Variants in F2R observed in about 807,000 individuals in gnomAD.
F2R encodes the protein proteinase-activated receptor 1.
In F2R, 12 loss-of-function variants were observed where a neutral mutation model predicts 18.3. The ratio of observed to expected loss-of-function variants is 0.66; its 90% CI spans 0.42 to 1.06. The LOEUF (loss-of-function observed/expected upper bound fraction) is 1.06, where lower values mean the gene tolerates loss of function less well. F2R is among the 50% of genes least tolerant of loss of function. F2R has a pLI of 0.00. For missense variants in F2R, 438 were observed against 530.8 expected (o/e 0.83, Z 1.72); for synonymous variants, 210 against 219.9 (o/e 0.95, Z 0.40).
At chr5:76,731,623 A>G (rs1457730699) in intron 1 of F2R, among the ~76,000 whole-genome samples, 1 of 151,530 alleles carries the variant, frequency 6.6e-6, no homozygotes, top group Non-Finnish European at 1.5e-5. Context: ...TCTGCTGCCC[A>G]GGTTCAAGCG....
At chr5:76,718,050 C>A (rs560533094) in intron 1 of F2R, among the ~76,000 whole-genome samples, 2 of 152,110 alleles carry the variant, frequency 1.3e-5, no homozygotes, top group Non-Finnish European at 2.9e-5. Flanking sequence ...GGAAAAGGAG[C>A]GCTTGCTAAG....
Position 76,716,410 on chromosome 5 carries a change from G to C in F2R, c.88+15G>C, listed in dbSNP as rs753374243. The C allele has an allele frequency of 7.7e-6, 11 of 1,429,140 alleles. No individual in the cohort carries two copies. In the African/African-American group the frequency reaches 1.6e-4, roughly 21 times the overall value. 88.5% of individuals were successfully genotyped at this position (1,429,140 alleles called of 1,614,324 possible). On this transcript the variant is annotated intron_variant, in intron 1 of 1. Coordinates refer to ENST00000319211, the MANE Select transcript of F2R (RefSeq NM_001992.5). ...CCGCAGGCCAGGTGAGAGATGCACG[G>C]GAATGGGGTGCGCGGGCGGAGGGAC...
In F2R at chr5:76,733,633, T is replaced by G. The variant is rs1748727139; in HGVS notation, c.*130T>G. On this transcript the variant is annotated 3_prime_UTR_variant, in exon 2 of 2. Transcript: ENST00000319211. ...ACAGATGTACGACTTGCATACCTGC[T>G]TTTTATGGGAGCTGTCAAGCATGTA... 2 of 684,796 alleles carry G rather than the reference T, an allele frequency of 2.9e-6. No individual in the cohort carries two copies. Among genetic ancestry groups the G allele is most frequent in the South Asian group, 2.0e-5 (1 of 48,898 alleles). 42.4% of individuals were successfully genotyped at this position (684,796 alleles called of 1,614,324 possible).
In F2R at chr5:76,732,944, A is replaced by G. The variant is rs143981953; in HGVS notation, c.719A>G (p.Lys240Arg). ...AIAGVVPLLL[K>R]EQTIQVPGLN... ...GCAGGGGTAGTGCCTCTGCTCCTCA[A>G]GGAGCAAACCATCCAGGTGCCCGGG... The change falls in exon 2 of 2, where the codon AAG (lysine) becomes AGG (arginine). Residue 240 changes from lysine (K) to arginine (R), a missense_variant. Coordinates refer to ENST00000319211, the MANE Select transcript of F2R (RefSeq NM_001992.5). The G allele has an allele frequency of 9.9e-6, 16 of 1,614,128 alleles. No individual in the cohort carries two copies. The highest frequency in any genetic ancestry group is 1.2e-5 in the Non-Finnish European group (14 of 1,180,024).
In F2R at chr5:76,716,189, T is replaced by A; in HGVS notation, c.-119T>A. On this transcript the variant is annotated 5_prime_UTR_variant, in exon 1 of 2. Transcript: ENST00000319211. ...ACCCTGATCTTACCCGTGGGCACCC[T>A]GCGCTCTGCCTGCCGCGAAGACCGG... is the stretch of plus-strand genomic sequence containing the variant. 4.4e-6 allele frequency: 3 copies of A among 681,022 alleles called. No individual in the cohort carries two copies. The highest frequency in any genetic ancestry group is 1.9e-5 in the African/African-American group (1 of 51,396). The allele number at this position is 681,022 out of a possible 1,614,324, so 42.2% of individuals were successfully genotyped here.
chr5:76,723,443 G>A (rs980739014), intron 1 of F2R, among the ~76,000 whole-genome samples: 4 of 152,290 alleles, frequency 2.6e-5, no homozygotes, highest in African/African-American at 9.6e-5. Context: ...TAGTTACTTA[G>A]CCTCTCTGTG....
chr5:76,725,325 G>A (rs1023826233), intron 1 of F2R, among the ~76,000 whole-genome samples: 6 of 152,094 alleles, frequency 3.9e-5, no homozygotes, highest in Non-Finnish European at 7.3e-5. Context: ...AACTACTCTA[G>A]AGCAATTTAG....
At chr5:76,732,036 A>G (rs1031600263) in intron 1 of F2R, among the ~76,000 whole-genome samples, 1 of 152,122 alleles carries the variant, frequency 6.6e-6, no homozygotes, top group Non-Finnish European at 1.5e-5. Context: ...AGCCTTTCCT[A>G]ATGTCTTCAG....
intron 1 of F2R, chr5:76,716,639 T>C (rs753192919): frequency 2.7e-6 from 2 of 741,874 alleles, no homozygotes; most frequent in South Asian, 1.4e-5. Context: ...CCACGGGGTG[T>C]TGGATATGGA....
At chr5:76,717,767 G>A (rs1034875626) in intron 1 of F2R, among the ~76,000 whole-genome samples, 4 of 152,192 alleles carry the variant, frequency 2.6e-5, no homozygotes, top group African/African-American at 9.7e-5. Flanking sequence ...TGTTTTGTTT[G>A]AGATTTGGAT....
rs1313753717 is a variant in F2R, at chr5:76,716,603, C to T, written c.88+208C>T. On this transcript the variant is annotated intron_variant, in intron 1 of 1. Coordinates refer to ENST00000319211, the MANE Select transcript of F2R (RefSeq NM_001992.5). ...GGCCCAGCCGATGCCCCTTTGGACT[C>T]GATCTTGGAGGGTGCAGCCCGCCTG... The T allele has an allele frequency of 1.8e-5, 13 of 712,126 alleles. 1 individual carries two copies. The East Asian group carries it at 3.5e-4, about 19-fold the overall frequency. 44.1% of individuals were successfully genotyped at this position (712,126 alleles called of 1,614,324 possible). A position where few individuals can be genotyped will look rare whatever the true frequency, so the allele number is the denominator to read the frequency against.
chr5:76,716,405 G>C lies in F2R; in HGVS notation c.88+10G>C. On this transcript the variant is annotated intron_variant, in intron 1 of 1. Transcript: ENST00000319211. ...CGGGCCCGCAGGCCAGGTGAGAGAT[G>C]CACGGGAATGGGGTGCGCGGGCGGA... The C allele has an allele frequency of 1.4e-6, 2 of 1,438,216 alleles. No homozygotes were observed. Among genetic ancestry groups the C allele is most frequent in the Non-Finnish European group, 1.8e-6 (2 of 1,098,224 alleles). 89.1% of individuals were successfully genotyped at this position (1,438,216 alleles called of 1,614,324 possible).
intron 1 of F2R, among the ~76,000 whole-genome samples, chr5:76,728,729 C>T (rs949302714): frequency 2.4e-4 from 29 of 118,904 alleles, no homozygotes; most frequent in Non-Finnish European, 4.2e-4. Context: ...CTCGCTCTGT[C>T]GGCCAGGCTG....
intron 1 of F2R, among the ~76,000 whole-genome samples, chr5:76,729,487 G>A (rs1418439769): frequency 2.6e-5 from 4 of 152,098 alleles, no homozygotes; most frequent in Non-Finnish European, 4.4e-5. Flanking sequence ...TTCCTTTGCT[G>A]TGCAGAAGCT....
rs1308040874 is a variant in F2R at position 76,732,430 on chromosome 5, T to C, written c.205T>C (p.Tyr69His). The C allele has an allele frequency of 6.2e-6, 10 of 1,614,128 alleles. No homozygotes were observed. The highest frequency in any genetic ancestry group is 8.5e-6 in the Non-Finnish European group (10 of 1,180,016). Residue 69 changes from tyrosine (Y) to histidine (H), a missense_variant, in exon 2 of 2, where the codon TAC (tyrosine) becomes CAC (histidine). Physicochemically the swap from Tyr to His is moderately conservative, Grantham distance 83. Coordinates refer to ENST00000319211, the MANE Select transcript of F2R (RefSeq NM_001992.5). ...GAAAAATGAAAGTGGGTTAACTGAA[T>C]ACAGATTAGTCTCCATCAATAAAAG... is the stretch of plus-strand genomic sequence containing the variant. ...EEKNESGLTE[Y>H]RLVSINKSSP... is the part of the protein sequence containing the mutation.
chr5:76,722,950 CAA>C (rs11459024), intron 1 of F2R, among the ~76,000 whole-genome samples: 4 of 145,076 alleles, frequency 2.8e-5, no homozygotes, highest in Admixed American at 6.9e-5. Context: ...GACTCTGTAT[CAA>C]AAAAAAAAAA....
rs142188617 is a variant in F2R, at chr5:76,725,551, C to T, written c.89-6763C>T. 3.5e-4 allele frequency among the ~76,000 whole-genome samples: 53 copies of T among 152,278 alleles called. 3 individuals carry two copies. Among genetic ancestry groups the T allele is most frequent in the African/African-American group, 1.3e-3 (52 of 41,570 alleles). ...TAAACTCAAATTTCAGCCTAAGGGT[C>T]TTGAGCTAGTTGGAATTGTCTAGTC... On this transcript the variant is annotated intron_variant, in intron 1 of 1. Transcript: ENST00000319211.
At chr5:76,721,640 T>C (rs1045631609) in intron 1 of F2R, among the ~76,000 whole-genome samples, 1 of 152,250 alleles carries the variant, frequency 6.6e-6, no homozygotes. Context: ...GAATAGTGTT[T>C]ACCAGTACAG....
Position 76,735,304 on chromosome 5 carries a change from C to T in F2R, c.*1801C>T, listed in dbSNP as rs541851864. The stretch of plus-strand genomic sequence containing the variant: ...CTGGCTAACACGGTGAAACCCGTCT[C>T]TACTAAAAATGCAAAAAAAATTAGC... On this transcript the variant is annotated 3_prime_UTR_variant, in exon 2 of 2. Coordinates refer to ENST00000319211, the MANE Select transcript of F2R (RefSeq NM_001992.5). 6.6e-6 allele frequency: 1 copy of T among 152,204 alleles called. No homozygotes were observed. Among genetic ancestry groups the T allele is most frequent in the South Asian group, 2.1e-4 (1 of 4,818 alleles). The allele number at this position is 152,204 out of a possible 1,614,324, so 9.4% of individuals were successfully genotyped here.
Sources: allele counts gnomAD v4.1 joint callset (sites outside exome capture counted in the v4.1 genomes callset), GRCh38; gene constraint gnomAD v4.1.1; transcripts MANE v1.5; gene names NCBI Gene and HGNC (gene_info 2026-07-23, HGNC 2026-07-21).